The following CACNA2D3 variants were observed in gnomAD, a reference collection of about 807,000 sequenced individuals.
CACNA2D3 encodes calcium voltage-gated channel auxiliary subunit alpha2delta 3.
CACNA2D3 carries 60 observed loss-of-function variants against 160.6 expected under a neutral mutation model. The observed-to-expected ratio is 0.37, with a 90% CI of 0.30 to 0.46. The LOEUF (loss-of-function observed/expected upper bound fraction) is 0.46, where lower values mean the gene tolerates loss of function less well. Ranked by LOEUF, CACNA2D3 falls within the 20% of genes least tolerant of loss-of-function variation. The probability of loss-of-function intolerance (pLI) is 1.00; values close to 1 mark genes in which losing one functional copy is unlikely to be tolerated. For synonymous variants in CACNA2D3, 558 were observed against 492.9 expected (o/e 1.13, Z -1.75); for missense variants, 1,205 against 1,365.0 (o/e 0.88, Z 1.85).
At chr3:54,331,254 G>T (rs1240041782) in intron 3 of CACNA2D3, among the ~76,000 whole-genome samples, 2 of 152,134 alleles carry the variant, frequency 1.3e-5, no homozygotes, top group African/African-American at 2.4e-5. Flanking sequence ...ATGGAGAAGT[G>T]TAGCCATCCT....
intron 2 of CACNA2D3, among the ~76,000 whole-genome samples, chr3:54,318,466 C>A (rs1703917424): frequency 6.6e-6 from 1 of 152,052 alleles, no homozygotes; most frequent in Admixed American, 6.6e-5. Flanking sequence ...AGCAGTGTAG[C>A]AGATGTCAAT....
At chr3:54,654,137 A>G (rs953896666) in intron 11 of CACNA2D3, among the ~76,000 whole-genome samples, 4 of 152,128 alleles carry the variant, frequency 2.6e-5, no homozygotes, top group African/African-American at 4.8e-5. Flanking sequence ...CTGTCTCCAT[A>G]TCTACTACTC....
chr3:54,681,809 G>A (rs1700356792), intron 11 of CACNA2D3, among the ~76,000 whole-genome samples: 1 of 152,026 alleles, frequency 6.6e-6, no homozygotes. Flanking sequence ...TTCCCAAGGA[G>A]CTGAGATTGC....
chr3:54,221,112 C>T (rs78575187), intron 2 of CACNA2D3, among the ~76,000 whole-genome samples: 2,937 of 152,252 alleles, frequency 0.019, 112 homozygotes, highest in East Asian at 0.13. Flanking sequence ...ATTTCATTTT[C>T]ACAACCACCC....
chr3:54,690,315 T>A (rs1368272524), intron 11 of CACNA2D3, among the ~76,000 whole-genome samples: 1 of 152,202 alleles, frequency 6.6e-6, no homozygotes, highest in African/African-American at 2.4e-5. Flanking sequence ...GTAATTTTCC[T>A]TACTACTTTC....
chr3:54,145,629 G>C (rs1372833974), intron 2 of CACNA2D3, among the ~76,000 whole-genome samples: 1 of 152,142 alleles, frequency 6.6e-6, no homozygotes, highest in African/African-American at 2.4e-5. Context: ...CGTTTCTCTG[G>C]GTAGGGTCTG....
At chr3:54,227,776 C>T (rs1701701474) in intron 2 of CACNA2D3, among the ~76,000 whole-genome samples, 1 of 152,098 alleles carries the variant, frequency 6.6e-6, no homozygotes, top group Admixed American at 6.5e-5. Context: ...ATCTTGATTT[C>T]CTGACCTCGT....
rs527265473 is a variant in CACNA2D3, at chr3:54,411,579, T to C, written c.381+24805T>C. Among the ~76,000 whole-genome samples, 4 of 152,334 alleles carry C rather than the reference T, an allele frequency of 2.6e-5. No homozygotes were observed. In the South Asian group the frequency reaches 8.3e-4, roughly 32 times the overall value. On this transcript the variant is annotated intron_variant, in intron 4 of 37. Coordinates refer to ENST00000474759, the MANE Select transcript of CACNA2D3 (RefSeq NM_018398.3). ...AAATTAAGGTACACACATTGATTTT[T>C]AGACATAATGCTATTGCACACTTAA...
intron 2 of CACNA2D3, among the ~76,000 whole-genome samples, chr3:54,198,004 A>G (rs1347237245): frequency 6.6e-6 from 1 of 152,182 alleles, no homozygotes; most frequent in East Asian, 1.9e-4. Context: ...GTGTCTTTGG[A>G]CGTGATGAAA....
intron 29 of CACNA2D3, among the ~76,000 whole-genome samples, chr3:54,978,301 C>G (rs1170277522): frequency 1.3e-5 from 2 of 152,142 alleles, no homozygotes; most frequent in Non-Finnish European, 2.9e-5. Context: ...TCCCCCGTCC[C>G]TTTTATAAGA....
At chr3:54,631,272 G>C (rs767873108) in intron 10 of CACNA2D3, among the ~76,000 whole-genome samples, 1 of 151,200 alleles carries the variant, frequency 6.6e-6, no homozygotes, top group Non-Finnish European at 1.5e-5. Flanking sequence ...GCTTGAGATT[G>C]GTTGGCGATT....
At position 54,932,586 on chromosome 3, in the gene CACNA2D3, A is replaced by C. The variant is rs927307279; in HGVS notation, c.2449+32718A>C. Among the ~76,000 whole-genome samples the C allele has an allele frequency of 2.0e-5, 3 of 152,204 alleles. No individual in the cohort carries two copies. In the East Asian group the frequency reaches 5.8e-4, roughly 29 times the overall value. On this transcript the variant is annotated intron_variant, in intron 27 of 37. Transcript: ENST00000474759. The stretch of plus-strand genomic sequence containing the variant: ...AGTGACTGGCTGAGTTATCTGTGTA[A>C]ATATAGCATGCCTAGAGTTTGCCTC...
chr3:54,433,386 A>G (rs1011183637), intron 4 of CACNA2D3, among the ~76,000 whole-genome samples: 1 of 152,202 alleles, frequency 6.6e-6, no homozygotes, highest in African/African-American at 2.4e-5. Context: ...CTGGAAATAG[A>G]GCTTTCATCT....
intron 2 of CACNA2D3, among the ~76,000 whole-genome samples, chr3:54,271,398 G>A (rs1162515911): frequency 6.6e-6 from 1 of 152,122 alleles, no homozygotes; most frequent in East Asian, 1.9e-4. Context: ...CACTGGAGTT[G>A]GCACAGGAGA....
At chr3:54,620,466 G>C (rs966565729) in intron 9 of CACNA2D3, among the ~76,000 whole-genome samples, 1 of 152,060 alleles carries the variant, frequency 6.6e-6, no homozygotes, top group African/African-American at 2.4e-5. Context: ...CCATCTTTTG[G>C]GTGTCTCCTC....
intron 2 of CACNA2D3, among the ~76,000 whole-genome samples, chr3:54,175,221 T>C (rs1039079554): frequency 6.6e-6 from 1 of 152,068 alleles, no homozygotes; most frequent in East Asian, 1.9e-4. Flanking sequence ...GGGGGCCCCA[T>C]TGTGTAAGTG....
At chr3:55,064,524 C>A (rs190691378) in intron 35 of CACNA2D3, among the ~76,000 whole-genome samples, 2 of 152,172 alleles carry the variant, frequency 1.3e-5, no homozygotes, top group East Asian at 1.9e-4. Flanking sequence ...TCAACCACCC[C>A]CTCCTCACAG....
At chr3:54,984,088 C>T (rs1702562273) in intron 29 of CACNA2D3, among the ~76,000 whole-genome samples, 1 of 152,126 alleles carries the variant, frequency 6.6e-6, no homozygotes, top group Admixed American at 6.5e-5. Flanking sequence ...GAAGTCTGCC[C>T]CTTCCCCCCT....
At chr3:54,950,239 T>C (rs527516668) in intron 27 of CACNA2D3, among the ~76,000 whole-genome samples, 5 of 152,362 alleles carry the variant, frequency 3.3e-5, no homozygotes, top group African/African-American at 9.6e-5. Context: ...CAATGTTTTG[T>C]CAAATTTCTT....
Sources: allele counts gnomAD v4.1 joint callset (sites outside exome capture counted in the v4.1 genomes callset), GRCh38; gene constraint gnomAD v4.1.1; transcripts MANE v1.5; gene names NCBI Gene and HGNC (gene_info 2026-07-23, HGNC 2026-07-21).